The following ZNF334 variants were observed in gnomAD, a reference collection of about 807,000 sequenced individuals.
ZNF334 encodes the protein zinc finger protein 334.
In ZNF334, 14 loss-of-function variants were observed where a neutral mutation model predicts 12.4. The ratio of observed to expected loss-of-function variants is 1.13; its 90% CI spans 0.74 to 1.76. The LOEUF (loss-of-function observed/expected upper bound fraction) is 1.76. ZNF334 is among the 40% of genes most tolerant of loss of function. The pLI is 0.00. For synonymous variants in ZNF334, 273 were observed against 269.6 expected, an observed-to-expected ratio of 1.01 and a Z score of -0.12; for missense variants, 797 against 804.5, an observed-to-expected ratio of 0.99 and a Z score of 0.11.
At chr20:46,466,309 C>T in the ZNF334 span, among the ~76,000 whole-genome samples, 144 of 152,014 alleles carry the variant, frequency 9.5e-4, no homozygotes, top group Non-Finnish European at 1.2e-3. Flanking sequence ...GTATATGAAA[C>T]GGTTTGTTGA....
intron 2 of ZNF334, among the ~76,000 whole-genome samples, chr20:46,508,452 T>C (rs189331988): frequency 3.1e-4 from 47 of 152,346 alleles, no homozygotes; most frequent in Admixed American, 7.8e-4. Context: ...TGTGACGAGA[T>C]GGCTCCTGGC....
In ZNF334 at chr20:46,503,493, T is replaced by TA. The variant is rs370945788; in HGVS notation, c.242-397dup. Reference sequence around the variant, plus strand: ...AACAGACAAGAGTCAAGTAAGCACTTAGAGAAAGATAGTCATACAGTGAGA... The same window carrying TA: ...AACAGACAAGAGTCAAGTAAGCACTTAAGAGAAAGATAGTCATACAGTGAGA... On this transcript the variant is annotated intron_variant, in intron 4 of 4. Transcript: ENST00000692313. Among the ~76,000 whole-genome samples, 607 of 152,300 alleles carry TA rather than the reference T, an allele frequency of 4.0e-3. 4 individuals are homozygous for TA. The highest frequency in any genetic ancestry group is 0.014 in the African/African-American group (577 of 41,572).
rs1217691556 is a variant in ZNF334 at position 46,502,409 on chromosome 20, T to C, written c.930A>G (p.Val310=). ...KTFIDKSALI[V]HQKIHGGEKS... is the part of the protein sequence containing the mutation. ...TCTCCCCTCCATGAATTTTCTGGTG[T>C]ACAATAAGGGCAGATTTGTCAATGA... Residue 310 remains valine (V), a synonymous_variant, in exon 5 of 5, where the codon GTA becomes GTG. Transcript: ENST00000692313. 4.3e-6 allele frequency: 7 copies of C among 1,614,004 alleles called. No homozygotes were observed. Among genetic ancestry groups the C allele is most frequent in the East Asian group, 4.5e-5 (2 of 44,896 alleles).
At chr20:46,504,574 A>G (rs1568866222) in intron 3 of ZNF334, 40 bp downstream of exon 3, 2 of 1,550,954 alleles carry the variant, frequency 1.3e-6, no homozygotes, top group Non-Finnish European at 1.7e-6. Context: ...CACAGAAGAA[A>G]TGTATGCTCT....
chr20:46,491,051 T>C, the ZNF334 span: 1 of 152,642 alleles, frequency 6.6e-6, no homozygotes, highest in African/African-American at 2.4e-5. Context: ...TACAAGGGGC[T>C]TTAGGCATCG....
Position 46,502,134 on chromosome 20 carries a change from TC to T in ZNF334, c.1204del (p.Glu402LysfsTer52). On this transcript the variant is annotated frameshift_variant, in exon 5 of 5. Coordinates refer to ENST00000692313, the MANE Select transcript of ZNF334 (RefSeq NM_001353824.2). LOFTEE classifies it low-confidence loss of function (END_TRUNC). The stretch of plus-strand genomic sequence containing the variant: ...ACATTCACTACATTCATAGGGTTTT[TC>T]CCCTGTGTGAATTCTCTGATGCGCA... Reference protein sequence around the residue: ...LTAHQRIHTGEKPYECSECEK... With the variant: ...LTAHQRIHTGXKPYECSECEK... 1 of 1,614,176 alleles carries T rather than the reference TC, an allele frequency of 6.2e-7. No homozygotes were observed.
chr20:46,503,206 C>T, intron 4 of ZNF334, 109 bp from the exon 5 acceptor site: 1 of 1,269,252 alleles, frequency 7.9e-7, no homozygotes, highest in Non-Finnish European at 1.0e-6. Context: ...TCAGGCCAAG[C>T]CTTCCAAGAT....
the ZNF334 span, among the ~76,000 whole-genome samples, chr20:46,494,034 C>T: frequency 6.6e-6 from 1 of 152,202 alleles, no homozygotes; most frequent in Admixed American, 6.5e-5. Context: ...AAAATTGCAA[C>T]AATTCTAGGC....
chr20:46,512,236 T>C, intron 1 of ZNF334, 96 bp from the exon 2 acceptor site: 2 of 874,230 alleles, frequency 2.3e-6, no homozygotes, highest in Non-Finnish European at 3.7e-6. Flanking sequence ...TTTAAAAACA[T>C]GGCCCTTTGA....
the ZNF334 span, among the ~76,000 whole-genome samples, chr20:46,469,709 C>T: frequency 2.0e-5 from 3 of 151,992 alleles, no homozygotes; most frequent in East Asian, 1.9e-4. Context: ...GGCTCTTTGC[C>T]GACTGTGTGT....
the ZNF334 span, among the ~76,000 whole-genome samples, chr20:46,477,849 T>C: frequency 6.6e-6 from 1 of 152,244 alleles, no homozygotes. Flanking sequence ...CTCAGTATCT[T>C]CCTGCAGCTT....
chr20:46,469,904 C>T, the ZNF334 span, among the ~76,000 whole-genome samples: 1 of 152,048 alleles, frequency 6.6e-6, no homozygotes, highest in African/African-American at 2.4e-5. Flanking sequence ...ACCACACTTG[C>T]TTAACCATAT....
chr20:46,488,918 C>CT, the ZNF334 span, among the ~76,000 whole-genome samples: 1 of 150,934 alleles, frequency 6.6e-6, no homozygotes, highest in South Asian at 2.1e-4. Flanking sequence ...TACATAACGT[C>CT]TTTTTCCCCC....
At chr20:46,464,613 G>T in the ZNF334 span, 1 of 413,990 alleles carries the variant, frequency 2.4e-6, no homozygotes, top group South Asian at 2.0e-5. Context: ...CAGCTTACAT[G>T]ATCACATGAC....
the ZNF334 span, among the ~76,000 whole-genome samples, chr20:46,478,594 G>A: frequency 2.6e-5 from 4 of 152,322 alleles, no homozygotes; most frequent in Admixed American, 2.6e-4. Flanking sequence ...AGGGTATAAT[G>A]AGGCATGTCC....
rs150647055 is a variant in ZNF334, at chr20:46,502,139, T to C, written c.1200A>G (p.Thr400=). 51 of 1,613,544 alleles carry C rather than the reference T, an allele frequency of 3.2e-5. No individual in the cohort carries two copies. In the African/African-American group the frequency reaches 5.1e-4, roughly 16 times the overall value. Residue 400 remains threonine (T), a synonymous_variant, in exon 5 of 5, where the codon ACA becomes ACG. Transcript: ENST00000692313. ...CACTACATTCATAGGGTTTTTCCCC[T>C]GTGTGAATTCTCTGATGCGCAGTAA... ...SALTAHQRIH[T]GEKPYECSEC... is the part of the protein sequence containing the mutation.
chr20:46,504,560 G>C, intron 3 of ZNF334, 54 bp downstream of exon 3: 1 of 1,533,126 alleles, frequency 6.5e-7, no homozygotes. Flanking sequence ...ACATGTTTTT[G>C]TAACACAGAA....
At chr20:46,470,803 A>G in the ZNF334 span, among the ~76,000 whole-genome samples, 1 of 152,104 alleles carries the variant, frequency 6.6e-6, no homozygotes, top group African/African-American at 2.4e-5. Flanking sequence ...TGTTATTTTT[A>G]TTACTGTACA....
the ZNF334 span, among the ~76,000 whole-genome samples, chr20:46,489,464 T>C: frequency 6.6e-6 from 1 of 151,980 alleles, no homozygotes; most frequent in African/African-American, 2.4e-5. Flanking sequence ...AGGTCAGAAG[T>C]TTGAGACCAG....
Sources: allele counts gnomAD v4.1 joint callset (sites outside exome capture counted in the v4.1 genomes callset), GRCh38; gene constraint gnomAD v4.1.1; transcripts MANE v1.5; gene names NCBI Gene and HGNC (gene_info 2026-07-23, HGNC 2026-07-21).